The following FLRT1 variants were observed in gnomAD, a reference collection of about 807,000 sequenced individuals.
FLRT1 encodes the protein fibronectin leucine rich transmembrane protein 1, also known as leucine-rich repeat transmembrane protein FLRT1.
FLRT1 carries 14 observed loss-of-function variants against 30.9 expected under a neutral mutation model. That is an observed-to-expected ratio of 0.45 (90% confidence interval 0.30 to 0.71). The LOEUF is 0.71. Ranked by LOEUF, FLRT1 falls within the 30% of genes least tolerant of loss-of-function variation. FLRT1 has a pLI of 0.08. For missense variants in FLRT1, 737 were observed against 949.2 expected (o/e 0.78, Z 2.94); for synonymous variants, 368 against 430.4 (o/e 0.85, Z 1.80).
chr11:64,100,979 G>A (rs1432770231), intron 1 of FLRT1, among the ~76,000 whole-genome samples: 1 of 152,158 alleles, frequency 6.6e-6, no homozygotes, highest in Non-Finnish European at 1.5e-5. Context: ...TTTGGTGGGT[G>A]CATTTATTAA....
intron 1 of FLRT1, among the ~76,000 whole-genome samples, chr11:64,070,254 C>T (rs1211941921): frequency 2.6e-5 from 4 of 152,072 alleles, no homozygotes; most frequent in African/African-American, 7.2e-5. Context: ...CTGATCAGAG[C>T]CCTACCTGGG....
intron 1 of FLRT1, among the ~76,000 whole-genome samples, chr11:64,084,009 C>CCTAA (rs10652566): frequency 0.88 from 134,101 of 152,024 alleles, 59,813 homozygotes; most frequent in South Asian, 0.98. Flanking sequence ...TGGGTTCCGG[C>CCTAA]CTTTCACTGG....
chr11:64,110,759 C>T (rs1944847987), intron 2 of FLRT1, among the ~76,000 whole-genome samples: 1 of 152,148 alleles, frequency 6.6e-6, no homozygotes, highest in Non-Finnish European at 1.5e-5. Context: ...ACAAGCGATC[C>T]CATAAAAGAT....
intron 1 of FLRT1, among the ~76,000 whole-genome samples, chr11:64,044,217 C>T (rs979634717): frequency 1.3e-5 from 2 of 151,548 alleles, no homozygotes; most frequent in Admixed American, 1.3e-4. Context: ...ATCACACTTA[C>T]TATGTACCTG....
At chr11:64,108,828 G>C (rs567635754) in intron 2 of FLRT1, among the ~76,000 whole-genome samples, 19 of 152,190 alleles carry the variant, frequency 1.2e-4, no homozygotes, top group African/African-American at 4.3e-4. Context: ...CTGGGGGCTG[G>C]GAAGTGGGGG....
chr11:64,038,840 G>C (rs993468330), intron 1 of FLRT1, among the ~76,000 whole-genome samples: 1 of 152,176 alleles, frequency 6.6e-6, no homozygotes, highest in Non-Finnish European at 1.5e-5. Flanking sequence ...TCCTGGGGAG[G>C]GTTTCTCTAC....
chr11:64,062,989 G>C (rs1943933082), intron 1 of FLRT1, among the ~76,000 whole-genome samples: 1 of 152,234 alleles, frequency 6.6e-6, no homozygotes, highest in Non-Finnish European at 1.5e-5. Flanking sequence ...CAAGGGGACA[G>C]GGCTCCCGGC....
At chr11:64,078,342 C>T (rs1324008034) in intron 1 of FLRT1, among the ~76,000 whole-genome samples, 1 of 152,246 alleles carries the variant, frequency 6.6e-6, no homozygotes, top group Non-Finnish European at 1.5e-5. Context: ...CCTCCCCTCC[C>T]AGTCCCTGGC....
At chr11:64,079,691 G>A (rs1050134421) in intron 1 of FLRT1, among the ~76,000 whole-genome samples, 3 of 152,120 alleles carry the variant, frequency 2.0e-5, no homozygotes, top group African/African-American at 7.2e-5. Context: ...GTGTGGTTGG[G>A]GAAAGGAAGG....
At chr11:64,072,511 C>T (rs1185789775) in intron 1 of FLRT1, among the ~76,000 whole-genome samples, 1 of 152,128 alleles carries the variant, frequency 6.6e-6, no homozygotes, top group Non-Finnish European at 1.5e-5. Context: ...GATGATAAAC[C>T]AGGCACCCGT....
chr11:64,079,448 A>C (rs548053905), intron 1 of FLRT1, among the ~76,000 whole-genome samples: 78 of 152,298 alleles, frequency 5.1e-4, no homozygotes, highest in African/African-American at 1.4e-3. Context: ...GCCAAGATCC[A>C]AGAAATGAGC....
chr11:64,084,191 C>T (rs1475617893), intron 1 of FLRT1, among the ~76,000 whole-genome samples: 1 of 152,138 alleles, frequency 6.6e-6, no homozygotes. Flanking sequence ...TGCTGCCTCC[C>T]CCTCCTCTCA....
chr11:64,111,812 G>A (rs1048781599), intron 2 of FLRT1, among the ~76,000 whole-genome samples: 2 of 152,212 alleles, frequency 1.3e-5, no homozygotes, highest in African/African-American at 2.4e-5. Context: ...CCAATGTAAT[G>A]AAAGGTGAGG....
intron 1 of FLRT1, among the ~76,000 whole-genome samples, chr11:64,099,404 A>G (rs574987537): frequency 6.6e-6 from 1 of 152,372 alleles, no homozygotes; most frequent in East Asian, 1.9e-4. Context: ...GATTAGACTC[A>G]GAATATGTTT....
intron 1 of FLRT1, among the ~76,000 whole-genome samples, chr11:64,065,586 A>G (rs149484604): frequency 0.028 from 4,219 of 151,792 alleles, 111 homozygotes; most frequent in African/African-American, 0.069. Flanking sequence ...TCAGGAGATC[A>G]AGACCATCCT....
intron 2 of FLRT1, among the ~76,000 whole-genome samples, chr11:64,108,139 T>A (rs1000468045): frequency 2.0e-5 from 3 of 151,710 alleles, no homozygotes; most frequent in African/African-American, 7.3e-5. Flanking sequence ...CATGGAGAAA[T>A]CCCGTCTCTA....
chr11:64,093,505 C>G (rs542388073), intron 1 of FLRT1, among the ~76,000 whole-genome samples: 31 of 152,370 alleles, frequency 2.0e-4, no homozygotes, highest in Admixed American at 1.9e-3. Flanking sequence ...CTGGTGGGGG[C>G]AGCCTGGCCC....
intron 1 of FLRT1, among the ~76,000 whole-genome samples, chr11:64,099,042 G>A (rs1241767816): frequency 1.3e-5 from 2 of 152,220 alleles, no homozygotes; most frequent in African/African-American, 4.8e-5. Flanking sequence ...TACTTCGGGA[G>A]GAAGCCCTGA....
chr11:64,115,321 A>G (rs529466913), intron 2 of FLRT1, among the ~76,000 whole-genome samples: 36 of 152,304 alleles, frequency 2.4e-4, no homozygotes, highest in African/African-American at 5.8e-4. Context: ...CTCAGAGTAC[A>G]GACGTGACTC....
Sources: gnomAD v4.1 joint callset for allele counts (sites outside exome capture counted in the v4.1 genomes callset) on GRCh38, gnomAD v4.1.1 for gene constraint, MANE v1.5 for transcripts, NCBI Gene and HGNC (gene_info 2026-07-23, HGNC 2026-07-21) for gene names.